VPS13D: variants seen among roughly 807,000 people sequenced by gnomAD.
VPS13D encodes the protein vacuolar protein sorting 13 homolog D.
In VPS13D, 187 loss-of-function variants were observed where a neutral mutation model predicts 461.9. That is an observed-to-expected ratio of 0.40 (90% CI 0.36 to 0.46). VPS13D has a LOEUF of 0.46. VPS13D is among the 20% of genes least tolerant of loss of function. The pLI is 0.60. For missense variants in VPS13D, 4,711 were observed against 5,364.9 expected, an observed-to-expected ratio of 0.88 and a Z score of 3.81; for synonymous variants, 1,951 against 1,986.3, an observed-to-expected ratio of 0.98 and a Z score of 0.47.
chr1:12,469,138 T>G (rs1287955459), intron 67 of VPS13D, among the ~76,000 whole-genome samples: 1 of 152,186 alleles, frequency 6.6e-6, no homozygotes, highest in Non-Finnish European at 1.5e-5. Flanking sequence ...TTTAATACAT[T>G]GAGGAAACCG....
At chr1:12,410,151 T>G (rs574454996) in intron 63 of VPS13D, among the ~76,000 whole-genome samples, 12 of 152,310 alleles carry the variant, frequency 7.9e-5, no homozygotes, top group African/African-American at 2.9e-4. Context: ...TGAGGTACTT[T>G]CTTTCTTGAG....
At chr1:12,496,035 C>G (rs2100537845) in intron 67 of VPS13D, among the ~76,000 whole-genome samples, 1 of 152,252 alleles carries the variant, frequency 6.6e-6, no homozygotes, top group Non-Finnish European at 1.5e-5. Flanking sequence ...TATTTGGGCT[C>G]TGAGTAGCCA....
chr1:12,414,554 G>A (rs1644771206), intron 63 of VPS13D, among the ~76,000 whole-genome samples: 1 of 152,180 alleles, frequency 6.6e-6, no homozygotes, highest in Non-Finnish European at 1.5e-5. Flanking sequence ...GCAGTTTAAA[G>A]CAGAAGAACT....
chr1:12,330,515 TTATTTCGCCC>T (rs1643302681), intron 37 of VPS13D, among the ~76,000 whole-genome samples: 1 of 152,224 alleles, frequency 6.6e-6, no homozygotes, highest in African/African-American at 2.4e-5. Flanking sequence ...GAAGGATCAT[TTATTTCGCCC>T]TGAGAGTAGC....
intron 57 of VPS13D, among the ~76,000 whole-genome samples, chr1:12,381,993 T>C (rs1244604462): frequency 6.8e-6 from 1 of 147,206 alleles, no homozygotes; most frequent in Non-Finnish European, 1.5e-5. Flanking sequence ...TCTCTCTCTC[T>C]CTCCTTCCTT....
chr1:12,492,161 G>A (rs142539948), intron 67 of VPS13D, among the ~76,000 whole-genome samples: 10 of 152,236 alleles, frequency 6.6e-5, no homozygotes. Flanking sequence ...GAGGCCGCAG[G>A]CCTAACAGTG....
intron 13 of VPS13D, among the ~76,000 whole-genome samples, chr1:12,264,846 A>T (rs1002607929): frequency 6.6e-6 from 1 of 152,224 alleles, no homozygotes; most frequent in African/African-American, 2.4e-5. Context: ...TTGGAAGAAA[A>T]TGCCATCTAG....
intron 49 of VPS13D, 130 bp from the exon 50 acceptor site, chr1:12,358,327 TGA>T (rs1451879960): frequency 8.2e-7 from 1 of 1,222,614 alleles, no homozygotes; most frequent in Admixed American, 2.5e-5. Flanking sequence ...GGGAATCACA[TGA>T]GAGTGAGGAA....
intron 47 of VPS13D, among the ~76,000 whole-genome samples, chr1:12,355,534 A>G (rs577414514): frequency 6.6e-6 from 1 of 152,250 alleles, no homozygotes; most frequent in Admixed American, 6.5e-5. Context: ...ATCTCACTGT[A>G]CCCCCAAAAT....
At chr1:12,464,735 A>G (rs1219783855) in intron 67 of VPS13D, among the ~76,000 whole-genome samples, 1 of 152,110 alleles carries the variant, frequency 6.6e-6, no homozygotes, top group Non-Finnish European at 1.5e-5. Context: ...AAGAGGGCGG[A>G]GGACTGCAGA....
At chr1:12,430,523 A>G (rs1016445599) in intron 65 of VPS13D, among the ~76,000 whole-genome samples, 1 of 152,198 alleles carries the variant, frequency 6.6e-6, no homozygotes, top group Non-Finnish European at 1.5e-5. Flanking sequence ...CAGGTTAGGT[A>G]TGATTATCAT....
At chr1:12,341,346 G>T (rs187932734) in intron 40 of VPS13D, among the ~76,000 whole-genome samples, 1 of 152,190 alleles carries the variant, frequency 6.6e-6, no homozygotes, top group Non-Finnish European at 1.5e-5. Flanking sequence ...TACTATGACT[G>T]TAGGGTAACT....
chr1:12,479,060 C>T (rs1455370483), intron 67 of VPS13D, among the ~76,000 whole-genome samples: 1 of 152,220 alleles, frequency 6.6e-6, no homozygotes, highest in Non-Finnish European at 1.5e-5. Flanking sequence ...TTCTCACTGT[C>T]CGAGGCCGGT....
In VPS13D at chr1:12,443,966, C is replaced by T. The variant is rs147592480; in HGVS notation, c.12334-12032C>T. Among the ~76,000 whole-genome samples, 787 of 152,162 alleles carry T rather than the reference C, an allele frequency of 5.2e-3. 3 individuals carry two copies. The highest frequency in any genetic ancestry group is 0.018 in the African/African-American group (761 of 41,484). The stretch of plus-strand genomic sequence containing the variant: ...ATTCAAACGATTTTCCCACCTCAGC[C>T]CCCTGAGTAGCTGGGATTACAGGCA... On this transcript the variant is annotated intron_variant, in intron 65 of 69. Transcript: ENST00000620676.
At chr1:12,448,876 A>G (rs1010704793) in intron 65 of VPS13D, among the ~76,000 whole-genome samples, 3 of 152,230 alleles carry the variant, frequency 2.0e-5, no homozygotes, top group Non-Finnish European at 2.9e-5. Flanking sequence ...CAACTGGGTC[A>G]GAGTTGCAGA....
intron 29 of VPS13D, among the ~76,000 whole-genome samples, chr1:12,313,853 G>A (rs1248497543): frequency 6.6e-6 from 1 of 152,160 alleles, no homozygotes; most frequent in African/African-American, 2.4e-5. Flanking sequence ...TGTTAAACAT[G>A]TGGTATTGTT....
chr1:12,382,900 T>A, intron 57 of VPS13D, 76 bp from the exon 58 acceptor site: 1 of 1,376,482 alleles, frequency 7.3e-7, no homozygotes, highest in South Asian at 1.4e-5. Context: ...TAGGAACTTG[T>A]TTGAAATGAT....
At chr1:12,365,704 A>C (rs928749827) in intron 52 of VPS13D, among the ~76,000 whole-genome samples, 4 of 120,360 alleles carry the variant, frequency 3.3e-5, no homozygotes, top group Non-Finnish European at 6.6e-5. Flanking sequence ...ACTCTGTCTC[A>C]AAAAAAAAAA....
chr1:12,305,489 A>C (rs1023789807), intron 26 of VPS13D, among the ~76,000 whole-genome samples: 4 of 151,966 alleles, frequency 2.6e-5, no homozygotes, highest in Non-Finnish European at 4.4e-5. Flanking sequence ...GGGTTTTGCT[A>C]TGTTGCTCAG....
Sources: allele counts gnomAD v4.1 joint callset (sites outside exome capture counted in the v4.1 genomes callset), GRCh38; gene constraint gnomAD v4.1.1; transcripts MANE v1.5; gene names NCBI Gene and HGNC (gene_info 2026-07-23, HGNC 2026-07-21).